The following MTFR1 variants were observed in gnomAD, a reference collection of about 807,000 sequenced individuals.
MTFR1 encodes mitochondrial fission regulator 1.
A neutral mutation model predicts 38.8 loss-of-function variants in MTFR1; 28 were observed. The ratio of observed to expected loss-of-function variants is 0.72; its 90% CI spans 0.53 to 0.99. MTFR1 has a LOEUF of 0.99. MTFR1 is among the 50% of genes least tolerant of loss of function. The probability of loss-of-function intolerance (pLI) is 0.00; values close to 1 mark genes in which losing one functional copy is unlikely to be tolerated. For synonymous variants in MTFR1, 145 were observed against 137.0 expected, an observed-to-expected ratio of 1.06 and a Z score of -0.41; for missense variants, 358 against 395.5, an observed-to-expected ratio of 0.91 and a Z score of 0.81.
At chr8:65,722,412 T>C (rs1806423344) in intron 3 of MTFR1, 1 of 152,298 alleles carries the variant, frequency 6.6e-6, no homozygotes, top group South Asian at 2.1e-4. Context: ...CCCCATGGCA[T>C]GGTCTTCCTT....
Position 65,709,989 on chromosome 8 carries a change from TTAA to T in MTFR1, c.*951_*953del, listed in dbSNP as rs747890317. On this transcript the variant is annotated 3_prime_UTR_variant, in exon 8 of 8. Transcript: ENST00000262146. Reference sequence around the variant, plus strand: ...ATCATTGGTCAGAATGCTGTTTTGTTTAATAATATTACGCAACATAAACCATAG... The same window carrying T: ...ATCATTGGTCAGAATGCTGTTTTGTTTAATATTACGCAACATAAACCATAG... 1.3e-5 allele frequency: 2 copies of T among 152,430 alleles called. No individual in the cohort carries two copies. The highest frequency in any genetic ancestry group is 2.4e-5 in the African/African-American group (1 of 41,460). The allele number at this position is 152,430 out of a possible 1,614,324, so 9.4% of individuals were successfully genotyped here. A position where few individuals can be genotyped will look rare whatever the true frequency, so the allele number is the denominator to read the frequency against.
chr8:65,674,592 A>G (rs774427698), intron 2 of MTFR1, among the ~76,000 whole-genome samples: 4 of 152,184 alleles, frequency 2.6e-5, no homozygotes, highest in African/African-American at 9.6e-5. Context: ...AGCGTAGACT[A>G]TAAGAGTGAG....
At chr8:65,758,789 C>T (rs961108510) in intron 3 of MTFR1, among the ~76,000 whole-genome samples, 1 of 152,146 alleles carries the variant, frequency 6.6e-6, no homozygotes, top group East Asian at 1.9e-4. Context: ...TCTTTAATGG[C>T]ACTCTAAGCA....
chr8:65,665,758 G>A (rs1804363877), intron 1 of MTFR1, among the ~76,000 whole-genome samples: 1 of 152,142 alleles, frequency 6.6e-6, no homozygotes, highest in Admixed American at 6.5e-5. Context: ...TGAGTAACTG[G>A]GACTTCAGGC....
intron 3 of MTFR1, among the ~76,000 whole-genome samples, chr8:65,769,485 C>A (rs62507643): frequency 1.3e-5 from 2 of 152,172 alleles, no homozygotes; most frequent in Non-Finnish European, 2.9e-5. Flanking sequence ...ATCAAAATCC[C>A]TCTATCTTGT....
chr8:65,737,460 T>C (rs1807189177), intron 3 of MTFR1, among the ~76,000 whole-genome samples: 1 of 152,180 alleles, frequency 6.6e-6, no homozygotes, highest in South Asian at 2.1e-4. Context: ...AGGCTTCTGT[T>C]TACCTAGATA....
At chr8:65,671,371 A>G (rs1343407154) in intron 2 of MTFR1, among the ~76,000 whole-genome samples, 2 of 151,982 alleles carry the variant, frequency 1.3e-5, no homozygotes, top group Non-Finnish European at 2.9e-5. Flanking sequence ...TATCTCTACA[A>G]AAAATTTAAA....
intron 5 of MTFR1, among the ~76,000 whole-genome samples, chr8:65,705,746 A>C (rs1382393737): frequency 6.6e-6 from 1 of 152,222 alleles, no homozygotes; most frequent in Non-Finnish European, 1.5e-5. Context: ...TATTGTGAGA[A>C]TAAATATGGA....
At chr8:65,733,653 A>G (rs1422603138) in intron 3 of MTFR1, among the ~76,000 whole-genome samples, 1 of 152,184 alleles carries the variant, frequency 6.6e-6, no homozygotes, top group Admixed American at 6.5e-5. Flanking sequence ...GGTTGGGAGT[A>G]TACATTTGTC....
chr8:65,724,929 T>C, intron 3 of MTFR1: 1 of 1,570,262 alleles, frequency 6.4e-7, no homozygotes, highest in East Asian at 2.3e-5. Context: ...TGCCTGGAAA[T>C]AGAGAAATAT....
At chr8:65,716,787 T>G (rs190298987) in intron 2 of MTFR1, among the ~76,000 whole-genome samples, 2 of 152,138 alleles carry the variant, frequency 1.3e-5, no homozygotes, top group East Asian at 3.9e-4. Context: ...GCCTGAATTT[T>G]TAAGGATCTG....
intron 3 of MTFR1, among the ~76,000 whole-genome samples, chr8:65,688,283 C>T (rs1805158869): frequency 6.6e-5 from 10 of 151,060 alleles, no homozygotes; most frequent in Admixed American, 5.9e-4. Context: ...ACCTATAATC[C>T]CAGCTACTTG....
chr8:65,745,344 G>T, intron 3 of MTFR1: 1 of 925,570 alleles, frequency 1.1e-6, no homozygotes, highest in Non-Finnish European at 1.8e-6. Flanking sequence ...CGCACCAGCG[G>T]CTGCACCATC....
intron 1 of MTFR1, among the ~76,000 whole-genome samples, chr8:65,658,173 T>G (rs1273703700): frequency 3.3e-5 from 5 of 152,220 alleles, no homozygotes; most frequent in African/African-American, 4.8e-5. Context: ...GCCATTTCCT[T>G]GAATAGTTCT....
chr8:65,670,845 C>T (rs927238804), intron 2 of MTFR1, among the ~76,000 whole-genome samples: 2 of 151,964 alleles, frequency 1.3e-5, no homozygotes, highest in African/African-American at 4.8e-5. Flanking sequence ...GCTGGGATTA[C>T]AGGCTCACAC....
chr8:65,724,356 C>A (rs573961941), intron 3 of MTFR1: 2 of 1,597,880 alleles, frequency 1.3e-6, no homozygotes, highest in Non-Finnish European at 1.7e-6. Flanking sequence ...AGCCATCTAG[C>A]AAACAAAACA....
chr8:65,746,165 C>T (rs556027915), intron 3 of MTFR1, among the ~76,000 whole-genome samples: 72 of 151,208 alleles, frequency 4.8e-4, no homozygotes, highest in African/African-American at 1.7e-3. Flanking sequence ...AACTCCTGGA[C>T]TCAAGTGATT....
downstream of MTFR1, among the ~76,000 whole-genome samples, chr8:65,713,628 T>C (rs929084818): frequency 6.6e-6 from 1 of 152,336 alleles, no homozygotes; most frequent in Middle Eastern, 3.4e-3. Context: ...AGTAGCATAT[T>C]GAACATTTAA....
chr8:65,770,156 TGTGTGTGC>T (rs1314857429), intron 3 of MTFR1, among the ~76,000 whole-genome samples: 17 of 132,728 alleles, frequency 1.3e-4, no homozygotes, highest in African/African-American at 4.4e-4. Context: ...TGTGTGTGTG[TGTGTGTGC>T]CACACCTAAT....
Sources: gnomAD v4.1 joint callset for allele counts (sites outside exome capture counted in the v4.1 genomes callset) on GRCh38, gnomAD v4.1.1 for gene constraint, MANE v1.5 for transcripts, NCBI Gene and HGNC (gene_info 2026-07-23, HGNC 2026-07-21) for gene names.